The following DMBT1 variants were observed in gnomAD, a reference collection of about 807,000 sequenced individuals.
DMBT1 encodes deleted in malignant brain tumors 1.
DMBT1 carries 198 observed loss-of-function variants against 252.9 expected under a neutral mutation model. The ratio of observed to expected loss-of-function variants is 0.78; its 90% CI spans 0.70 to 0.88. The LOEUF is 0.88. Ranked by LOEUF, DMBT1 falls within the 40% of genes least tolerant of loss-of-function variation. DMBT1 has a pLI of 0.00. For synonymous variants in DMBT1, 990 were observed against 942.7 expected, an observed-to-expected ratio of 1.05 and a Z score of -0.92; for missense variants, 2,432 against 2,404.7, an observed-to-expected ratio of 1.01 and a Z score of -0.24.
In DMBT1 at chr10:122,619,296, T is replaced by C; in HGVS notation, c.5216-12T>C. ...GTGCATCTGATCTGACCTTCTCTTC[T>C]CTTTCTCACAGCTGCTCAGTCCCAG... On this transcript the variant is annotated splice_polypyrimidine_tract_variant and intron_variant, in intron 41 of 55. Transcript: ENST00000338354. 1 of 1,614,004 alleles carries C rather than the reference T, an allele frequency of 6.2e-7. No homozygotes were observed. The highest frequency in any genetic ancestry group is 1.1e-5 in the South Asian group (1 of 91,086).
At chr10:122,633,037 G>C (rs868683229) in intron 51 of DMBT1, 147 bp downstream of exon 51, 3 of 1,495,190 alleles carry the variant, frequency 2.0e-6, no homozygotes, top group Non-Finnish European at 2.7e-6. Context: ...CTCAGTGGAC[G>C]GTCCAGATCT....
At chr10:122,585,170 T>C in intron 14 of DMBT1, 101 bp from the exon 15 acceptor site, 1 of 1,415,656 alleles carries the variant, frequency 7.1e-7, no homozygotes, top group Non-Finnish European at 9.8e-7. Context: ...GAATCAGAAG[T>C]GGGGTAGTTT....
Position 122,619,308 on chromosome 10 carries a change from C to A in DMBT1, c.5216C>A (p.Ala1739Asp). Residue 1739 changes from alanine (A) to aspartate (D), a missense_variant and splice_region_variant, in exon 42 of 56, where the codon GCT (alanine) becomes GAT (aspartate). Coordinates refer to ENST00000338354, the MANE Select transcript of DMBT1 (RefSeq NM_001377530.1). The part of the protein sequence containing the change: ...HHEDAGVICS[A>D]AQSQSTPRPD... ...TGACCTTCTCTTCTCTTTCTCACAG[C>A]TGCTCAGTCCCAGTCAACGCCCAGG... 1 of 1,614,004 alleles carries A rather than the reference C, an allele frequency of 6.2e-7. No homozygotes were observed. Among genetic ancestry groups the A allele is most frequent in the Non-Finnish European group, 8.5e-7 (1 of 1,179,878 alleles).
chr10:122,591,547 C>T (rs998700656), intron 19 of DMBT1, 30 bp downstream of exon 19: 3 of 1,568,600 alleles, frequency 1.9e-6, no homozygotes, highest in African/African-American at 2.7e-5. Flanking sequence ...CTCCCTAGGG[C>T]TCACTCTCTA....
chr10:122,629,618 G>C (rs932574997), intron 46 of DMBT1, among the ~76,000 whole-genome samples: 9 of 152,182 alleles, frequency 5.9e-5, no homozygotes, highest in Non-Finnish European at 1.0e-4. Flanking sequence ...CTCGCAGAGG[G>C]TTGCTGTCCA....
intron 41 of DMBT1, among the ~76,000 whole-genome samples, chr10:122,618,568 C>A (rs1019277063): frequency 2.5e-4 from 38 of 152,216 alleles, no homozygotes. Context: ...CAGACTTTAT[C>A]CCCATCCTGA....
intron 11 of DMBT1, 61 bp downstream of exon 11, chr10:122,580,956 A>G: frequency 6.3e-7 from 1 of 1,585,192 alleles, no homozygotes; most frequent in Non-Finnish European, 8.6e-7. Flanking sequence ...CACCCCTTCC[A>G]CACTCCACAG....
Position 122,597,041 on chromosome 10 carries a change from G to C in DMBT1, c.2904G>C (p.Ser968=). 1 of 589,518 alleles carries C rather than the reference G, an allele frequency of 1.7e-6. No individual in the cohort carries two copies. The highest frequency in any genetic ancestry group is 2.7e-6 in the Non-Finnish European group (1 of 365,316). The allele number at this position is 589,518 out of a possible 1,614,324, so 36.5% of individuals were successfully genotyped here. The change falls in exon 24 of 56, where the codon TCG becomes TCC. Residue 968 remains serine (S), a synonymous_variant. Transcript: ENST00000338354. ...TTCTCACAGCTGCCCACTCCTGGTCGACGCCCAGTCCAGGTGAGTCCCCAG... is the reference window on the plus strand; with the variant it reads ...TTCTCACAGCTGCCCACTCCTGGTCCACGCCCAGTCCAGGTGAGTCCCCAG... ...GVICSAAHSW[S]TPSPDTLPTI... is the part of the protein sequence containing the mutation.
chr10:122,599,739 A>C (rs1158811333), intron 26 of DMBT1, among the ~76,000 whole-genome samples: 1 of 152,184 alleles, frequency 6.6e-6, no homozygotes, highest in African/African-American at 2.4e-5. Flanking sequence ...AGGACGGCAC[A>C]AGGGATTTTG....
chr10:122,630,578 A>C, intron 48 of DMBT1, 88 bp downstream of exon 48: 2 of 1,371,238 alleles, frequency 1.5e-6, no homozygotes, highest in Non-Finnish European at 2.1e-6. Context: ...AAGGAAATCA[A>C]AGAAGGGCCT....
intron 1 of DMBT1, among the ~76,000 whole-genome samples, chr10:122,561,072 A>G (rs1355781442): frequency 6.6e-6 from 1 of 152,226 alleles, no homozygotes; most frequent in Non-Finnish European, 1.5e-5. Context: ...TGTTTTCAGT[A>G]AGTCATTCAA....
intron 26 of DMBT1, among the ~76,000 whole-genome samples, chr10:122,599,611 C>T (rs2097920289): frequency 6.6e-6 from 1 of 152,164 alleles, no homozygotes; most frequent in Non-Finnish European, 1.5e-5. Context: ...GAGTCCTTGA[C>T]CTCAGGTCCT....
chr10:122,637,754 C>G (rs1270836465), intron 54 of DMBT1, among the ~76,000 whole-genome samples: 1 of 152,212 alleles, frequency 6.6e-6, no homozygotes, highest in Non-Finnish European at 1.5e-5. Context: ...AAACACATTG[C>G]TAGGCCTTGG....
At chr10:122,617,604 C>T (rs770855078) in intron 40 of DMBT1, among the ~76,000 whole-genome samples, 1 of 151,602 alleles carries the variant, frequency 6.6e-6, no homozygotes, top group African/African-American at 2.4e-5. Context: ...AATTTCTGTC[C>T]CTGCAGCTGT....
At chr10:122,585,201 G>C in intron 14 of DMBT1, 70 bp from the exon 15 acceptor site, 3 of 1,548,378 alleles carry the variant, frequency 1.9e-6, no homozygotes, top group Non-Finnish European at 2.7e-6. Flanking sequence ...CGCCTTCTCC[G>C]GAGACTTTTC....
chr10:122,571,574 C>A (rs967822427), intron 4 of DMBT1, among the ~76,000 whole-genome samples: 15 of 152,200 alleles, frequency 9.9e-5, no homozygotes, highest in Admixed American at 8.5e-4. Flanking sequence ...CTGGACCCAA[C>A]CCAGCAAATC....
chr10:122,568,851 C>T (rs140636432), intron 2 of DMBT1, among the ~76,000 whole-genome samples: 3 of 152,182 alleles, frequency 2.0e-5, no homozygotes, highest in Admixed American at 6.5e-5. Flanking sequence ...GTCCCCACAG[C>T]GGATGGTACA....
At chr10:122,637,031 G>T in intron 53 of DMBT1, 97 bp from the exon 54 acceptor site, 5 of 1,192,984 alleles carry the variant, frequency 4.2e-6, no homozygotes, top group Non-Finnish European at 3.6e-6. Flanking sequence ...CAGCCACCCT[G>T]GTCTGTGCAC....
chr10:122,636,304 C>A, intron 53 of DMBT1, 105 bp downstream of exon 53: 1 of 1,052,038 alleles, frequency 9.5e-7, no homozygotes, highest in Admixed American at 2.3e-5. Flanking sequence ...GGAACCCTTT[C>A]AGGTCACCAG....
Sources: gnomAD v4.1 joint callset for allele counts (sites outside exome capture counted in the v4.1 genomes callset) on GRCh38, gnomAD v4.1.1 for gene constraint, MANE v1.5 for transcripts, NCBI Gene and HGNC (gene_info 2026-07-23, HGNC 2026-07-21) for gene names.